PDZRN3: variants seen among roughly 807,000 people sequenced by gnomAD.
The protein encoded by PDZRN3 is E3 ubiquitin-protein ligase PDZRN3.
PDZRN3 carries 38 observed loss-of-function variants against 85.7 expected under a neutral mutation model. That is an observed-to-expected ratio of 0.44 (90% CI 0.34 to 0.58). The LOEUF is 0.58. Among genes scored for constraint, PDZRN3 ranks in the 20% least tolerant of loss-of-function variants. The probability of loss-of-function intolerance (pLI) is 0.01; values close to 1 mark genes in which losing one functional copy is unlikely to be tolerated. For missense variants in PDZRN3, 1,629 were observed against 1,506.4 expected (o/e 1.08, Z -1.35); for synonymous variants, 759 against 638.0 (o/e 1.19, Z -2.86).
At chr3:73,442,691 G>A (rs1702664293) in intron 3 of PDZRN3, among the ~76,000 whole-genome samples, 1 of 74,598 alleles carries the variant, frequency 1.3e-5, no homozygotes, top group South Asian at 7.1e-4. Context: ...GTCTGAAAAT[G>A]TGTGGATTTT....
chr3:73,390,455 G>A (rs17011051), intron 6 of PDZRN3, among the ~76,000 whole-genome samples: 4,236 of 152,202 alleles, frequency 0.028, 202 homozygotes, highest in African/African-American at 0.096. Context: ...ACAAAATTGG[G>A]TTTCTGTGTT....
intron 3 of PDZRN3, among the ~76,000 whole-genome samples, chr3:73,433,125 G>A (rs1702464728): frequency 6.6e-6 from 1 of 152,172 alleles, no homozygotes; most frequent in Non-Finnish European, 1.5e-5. Flanking sequence ...CACAGACAGA[G>A]GTACAGAAAT....
rs752816186 is a variant in PDZRN3 at position 73,608,629 on chromosome 3, C to T, written c.779G>A (p.Gly260Glu). ...CGGCCGGCCACCAATAATATTGAAT[C>T]CCAGGGAGCCGGAGTCCCGATGCAG... ...LVLHRDSGSL[G>E]FNIIGGRPSV... The change falls in exon 2 of 10, where the codon GGA (glycine) becomes GAA (glutamate). Residue 260 changes from glycine to glutamate, a missense_variant. Physicochemically the swap from Gly to Glu is moderately conservative, Grantham distance 98. Coordinates refer to ENST00000263666, the MANE Select transcript of PDZRN3 (RefSeq NM_015009.3). 40 of 1,612,824 alleles carry T rather than the reference C, an allele frequency of 2.5e-5. No individual in the cohort carries two copies. The highest frequency in any genetic ancestry group is 2.9e-5 in the Non-Finnish European group (34 of 1,179,266).
chr3:73,414,111 AAT>A (rs1418092498), intron 3 of PDZRN3, among the ~76,000 whole-genome samples: 7 of 152,222 alleles, frequency 4.6e-5, no homozygotes, highest in Non-Finnish European at 1.0e-4. Flanking sequence ...AGACAAAAGT[AAT>A]GTCAGTCATG....
intron 1 of PDZRN3, chr3:73,623,749 T>C (rs1044631544): frequency 4.5e-5 from 9 of 201,970 alleles, no homozygotes; most frequent in African/African-American, 2.1e-4. Flanking sequence ...TTGCCCGAGA[T>C]CCCCTAGCTG....
chr3:73,608,058 G>C (rs1205987264), intron 2 of PDZRN3, among the ~76,000 whole-genome samples: 1 of 152,182 alleles, frequency 6.6e-6, no homozygotes, highest in Non-Finnish European at 1.5e-5. Flanking sequence ...TAAACTGGCA[G>C]ATTTGAATTC....
intron 3 of PDZRN3, among the ~76,000 whole-genome samples, chr3:73,567,314 A>G (rs4444654): frequency 0.88 from 133,540 of 152,066 alleles, 58,641 homozygotes; most frequent in African/African-American, 0.89. Flanking sequence ...TGTCAAATGG[A>G]GATTTAGGAA....
chr3:73,586,947 G>C (rs1702286599), intron 3 of PDZRN3, among the ~76,000 whole-genome samples: 1 of 152,154 alleles, frequency 6.6e-6, no homozygotes, highest in Non-Finnish European at 1.5e-5. Context: ...GTTCATAAGT[G>C]GAAAGGTGAC....
intron 3 of PDZRN3, among the ~76,000 whole-genome samples, chr3:73,410,275 G>C (rs927865347): frequency 1.3e-5 from 2 of 152,144 alleles, no homozygotes; most frequent in African/African-American, 4.8e-5. Context: ...AGAAGGGAAG[G>C]CAACTTATCT....
rs775041919 is a variant in PDZRN3, at chr3:73,383,782, G to A, written c.2784C>T (p.Asp928=). ...GCCTCTTGGTGATGTAGCGCGTCCC[G>A]TCGCTGCGGATCTTCACCTTCCACT... The part of the protein sequence containing the change: ...RMEWKVKIRS[D]GTRYITKRPV... The change falls in exon 10 of 10, where the codon GAC becomes GAT. Residue 928 remains aspartate (D), a synonymous_variant. Transcript: ENST00000263666. The A allele has an allele frequency of 5.6e-6, 9 of 1,613,248 alleles. No homozygotes were observed. In the South Asian group the frequency reaches 6.6e-5, roughly 12 times the overall value.
At chr3:73,601,189 G>C (rs1010267114) in intron 3 of PDZRN3, among the ~76,000 whole-genome samples, 1 of 152,168 alleles carries the variant, frequency 6.6e-6, no homozygotes, top group Non-Finnish European at 1.5e-5. Context: ...GATGAGACTG[G>C]AAATGCAAGA....
intron 1 of PDZRN3, among the ~76,000 whole-genome samples, chr3:73,620,243 C>T (rs1395075594): frequency 6.6e-6 from 1 of 152,174 alleles, no homozygotes; most frequent in Non-Finnish European, 1.5e-5. Flanking sequence ...AGGTAAAATC[C>T]GCAGGATTCA....
rs112736618 is a variant in PDZRN3 at position 73,403,941 on chromosome 3, C to T, written c.1166+207G>A. ...TCTTAGGATATAATTTGAATAAGTCCGCTCCAGGGTTATAATAAAGTAATT... is the reference window on the plus strand; with the variant it reads ...TCTTAGGATATAATTTGAATAAGTCTGCTCCAGGGTTATAATAAAGTAATT... On this transcript the variant is annotated intron_variant, in intron 4 of 9. Coordinates refer to ENST00000263666, the MANE Select transcript of PDZRN3 (RefSeq NM_015009.3). 6.6e-3 allele frequency among the ~76,000 whole-genome samples: 997 copies of T among 152,160 alleles called. 8 individuals carry two copies. Among genetic ancestry groups the T allele is most frequent in the Non-Finnish European group, 0.01 (686 of 67,996 alleles).
chr3:73,602,467 G>C lies in PDZRN3; in HGVS notation c.811-6C>G. ...GATGATCCATCGTGGTTATCCTTTG[G>C]GTTAAAAAAAAAAACATGCATGAAT... is the stretch of plus-strand genomic sequence containing the variant. On this transcript the variant is annotated splice_polypyrimidine_tract_variant and splice_region_variant and intron_variant, in intron 2 of 9. Transcript: ENST00000263666. 7.3e-7 allele frequency: 1 copy of C among 1,361,476 alleles called. No homozygotes were observed. The highest frequency in any genetic ancestry group is 9.8e-7 in the Non-Finnish European group (1 of 1,015,982). 84.3% of individuals were successfully genotyped at this position (1,361,476 alleles called of 1,614,324 possible). A position where few individuals can be genotyped will look rare whatever the true frequency, so the allele number is the denominator to read the frequency against.
intron 3 of PDZRN3, among the ~76,000 whole-genome samples, chr3:73,529,658 C>A (rs1575712654): frequency 1.3e-5 from 2 of 152,228 alleles, no homozygotes; most frequent in Admixed American, 1.3e-4. Flanking sequence ...TAAAATAAAG[C>A]TGGTTATCAA....
intron 3 of PDZRN3, among the ~76,000 whole-genome samples, chr3:73,592,339 G>A (rs1414838597): frequency 1.3e-5 from 2 of 152,058 alleles, no homozygotes; most frequent in African/African-American, 2.4e-5. Context: ...TATTTAGTTC[G>A]TTTTAATGCT....
Position 73,458,536 on chromosome 3 carries a change from T to C in PDZRN3, c.919-54141A>G, listed in dbSNP as rs1333054598. Among the ~76,000 whole-genome samples the C allele has an allele frequency of 4.0e-5, 6 of 148,666 alleles. No homozygotes were observed. The East Asian group carries it at 1.2e-3, about 29-fold the overall frequency. ...GAAGTTTTCATGGCAAACTAGCATTTATTGAACACTTATTACATACTAGAT... is the reference window on the plus strand; with the variant it reads ...GAAGTTTTCATGGCAAACTAGCATTCATTGAACACTTATTACATACTAGAT... On this transcript the variant is annotated intron_variant, in intron 3 of 9. Transcript: ENST00000263666.
At chr3:73,620,465 C>T (rs1421736042) in intron 1 of PDZRN3, among the ~76,000 whole-genome samples, 1 of 152,162 alleles carries the variant, frequency 6.6e-6, no homozygotes, top group Non-Finnish European at 1.5e-5. Context: ...TTAACTCACT[C>T]AAGTGTAGCA....
rs111873989 is a variant in PDZRN3, at chr3:73,534,140, A to G, written c.918+68214T>C. Among the ~76,000 whole-genome samples, 339 of 152,324 alleles carry G rather than the reference A, an allele frequency of 2.2e-3. 1 individual carries two copies. The highest frequency in any genetic ancestry group is 7.5e-3 in the African/African-American group (310 of 41,572). ...GGTTTTTTTGAATAATTAATTTACA[A>G]GTGAGCAAATGATTGATCATTAACT... On this transcript the variant is annotated intron_variant, in intron 3 of 9. Coordinates refer to ENST00000263666, the MANE Select transcript of PDZRN3 (RefSeq NM_015009.3).
Sources: gnomAD v4.1 joint callset for allele counts (sites outside exome capture counted in the v4.1 genomes callset) on GRCh38, gnomAD v4.1.1 for gene constraint, MANE v1.5 for transcripts, NCBI Gene and HGNC (gene_info 2026-07-23, HGNC 2026-07-21) for gene names.